The following RAB31 variants were observed in gnomAD, a reference collection of about 807,000 sequenced individuals.
RAB31 encodes ras-related protein Rab-31.
In RAB31, 21 loss-of-function variants were observed where a neutral mutation model predicts 25.6. The observed-to-expected ratio is 0.82, with a 90% CI of 0.58 to 1.18. RAB31 has a LOEUF of 1.18. Among genes scored for constraint, RAB31 ranks in the 50% most tolerant of loss-of-function variants. The pLI, the probability that RAB31 is intolerant of heterozygous loss-of-function variation, is 0.00. For synonymous variants in RAB31, 87 were observed against 84.0 expected (o/e 1.04, Z -0.20); for missense variants, 196 against 250.1 (o/e 0.78, Z 1.46).
chr18:9,809,814 T>C (rs2068561615), intron 3 of RAB31, among the ~76,000 whole-genome samples: 1 of 152,224 alleles, frequency 6.6e-6, no homozygotes, highest in South Asian at 2.1e-4. Context: ...AGAGGTGGAA[T>C]TGTCAAATCA....
At position 9,775,348 on chromosome 18, in the gene RAB31, C is replaced by G. The variant is rs2068366603; in HGVS notation, c.110C>G (p.Pro37Arg). ...GATCACTTTGACCACAACATCAGCC[C>G]TACTATTGGGTAAGTTCCTGTATGT... ...VQDHFDHNISPTIGASFMTKT... is the reference protein window; with the variant it reads ...VQDHFDHNISRTIGASFMTKT... Residue 37 changes from proline (P) to arginine (R), a missense_variant, in exon 2 of 7, where the codon CCT becomes CGT. Pro to Arg is a moderately radical substitution (Grantham distance 103). Coordinates refer to ENST00000578921, the MANE Select transcript of RAB31 (RefSeq NM_006868.4). 6.2e-7 allele frequency: 1 copy of G among 1,613,804 alleles called. No homozygotes were observed. Among genetic ancestry groups the G allele is most frequent in the Non-Finnish European group, 8.5e-7 (1 of 1,179,754 alleles).
At chr18:9,778,332 GAC>G (rs2068384152) in intron 2 of RAB31, among the ~76,000 whole-genome samples, 1 of 152,150 alleles carries the variant, frequency 6.6e-6, no homozygotes, top group African/African-American at 2.4e-5. Context: ...AAACACAGTT[GAC>G]AGTGTTTTGT....
intron 2 of RAB31, among the ~76,000 whole-genome samples, chr18:9,778,757 C>T (rs1194215030): frequency 6.6e-6 from 1 of 152,204 alleles, no homozygotes; most frequent in Non-Finnish European, 1.5e-5. Context: ...AGGCGTGAGC[C>T]ACTGTGCCCA....
chr18:9,782,971 A>T (rs1212715203), intron 2 of RAB31, among the ~76,000 whole-genome samples: 1 of 152,184 alleles, frequency 6.6e-6, no homozygotes, highest in Non-Finnish European at 1.5e-5. Context: ...GCTAGCAAAG[A>T]CTTAAAAACC....
intron 3 of RAB31, among the ~76,000 whole-genome samples, chr18:9,812,435 A>G (rs972292715): frequency 6.6e-6 from 1 of 152,162 alleles, no homozygotes; most frequent in Non-Finnish European, 1.5e-5. Context: ...TATTCAGCAC[A>G]TTCCATGTAG....
chr18:9,838,356 G>A (rs553020254), intron 5 of RAB31, among the ~76,000 whole-genome samples: 1 of 152,140 alleles, frequency 6.6e-6, no homozygotes, highest in Non-Finnish European at 1.5e-5. Flanking sequence ...TAGTCAAGAC[G>A]CCTGAGTGTA....
chr18:9,854,909 A>G (rs759442856), intron 6 of RAB31, among the ~76,000 whole-genome samples: 1 of 152,212 alleles, frequency 6.6e-6, no homozygotes, highest in East Asian at 1.9e-4. Flanking sequence ...CAAGAAATGG[A>G]TGTTACACAG....
chr18:9,751,700 A>C (rs1464185872), intron 1 of RAB31, among the ~76,000 whole-genome samples: 2 of 152,268 alleles, frequency 1.3e-5, no homozygotes, highest in Non-Finnish European at 2.9e-5. Context: ...CTTGTAGCAG[A>C]AACTTGAGCT....
Position 9,733,003 on chromosome 18 carries a change from C to A in RAB31, c.39+24559C>A, listed in dbSNP as rs571188644. ...GCAATGGTGATGAGCTGAGCTTTCA[C>A]CAGGTGGCACCTGGCTCTGGATGCT... On this transcript the variant is annotated intron_variant, in intron 1 of 6. Transcript: ENST00000578921. 4.6e-5 allele frequency among the ~76,000 whole-genome samples: 7 copies of A among 152,312 alleles called. No homozygotes were observed. In the East Asian group the frequency reaches 1.4e-3, roughly 29 times the overall value.
chr18:9,828,181 C>T (rs1190104214), intron 5 of RAB31, among the ~76,000 whole-genome samples: 1 of 152,152 alleles, frequency 6.6e-6, no homozygotes, highest in Non-Finnish European at 1.5e-5. Context: ...TACCCTGCGC[C>T]TGCCCTGGGG....
chr18:9,720,482 T>C (rs1055609542), intron 1 of RAB31, among the ~76,000 whole-genome samples: 3 of 151,704 alleles, frequency 2.0e-5, no homozygotes, highest in African/African-American at 7.3e-5. Context: ...GGAGAGCGTG[T>C]GGTGTCTGCT....
chr18:9,723,084 G>A (rs956394729), intron 1 of RAB31, among the ~76,000 whole-genome samples: 3 of 152,056 alleles, frequency 2.0e-5, no homozygotes, highest in African/African-American at 7.2e-5. Flanking sequence ...GTCTCGTTCT[G>A]CCACCCAGGC....
chr18:9,709,074 A>AAACTTCCCTGCT (rs1344201654), intron 1 of RAB31, among the ~76,000 whole-genome samples: 3 of 152,210 alleles, frequency 2.0e-5, no homozygotes, highest in Non-Finnish European at 4.4e-5. Context: ...CGCGCCCTGC[A>AAACTTCCCTGCT]AACTTCCCTG....
chr18:9,756,902 T>C (rs961249606), intron 1 of RAB31, among the ~76,000 whole-genome samples: 2 of 152,240 alleles, frequency 1.3e-5, no homozygotes, highest in African/African-American at 4.8e-5. Context: ...ACGAAGTAAC[T>C]GATGGTGCCC....
intron 3 of RAB31, among the ~76,000 whole-genome samples, chr18:9,808,224 A>T (rs1442723235): frequency 2.6e-5 from 4 of 152,184 alleles, no homozygotes; most frequent in Non-Finnish European, 5.9e-5. Flanking sequence ...AAATGAAAGA[A>T]AGGGAAAAAA....
chr18:9,724,710 A>T (rs1047253281), intron 1 of RAB31, among the ~76,000 whole-genome samples: 1 of 152,230 alleles, frequency 6.6e-6, no homozygotes, highest in Non-Finnish European at 1.5e-5. Context: ...TTGATTAAGA[A>T]GGATGTCATT....
chr18:9,806,594 A>G (rs2068543064), intron 3 of RAB31, among the ~76,000 whole-genome samples: 1 of 152,204 alleles, frequency 6.6e-6, no homozygotes, highest in Non-Finnish European at 1.5e-5. Flanking sequence ...AGAAGGGACC[A>G]GGTCCCACCC....
At chr18:9,721,371 C>T (rs903982012) in intron 1 of RAB31, among the ~76,000 whole-genome samples, 3 of 151,928 alleles carry the variant, frequency 2.0e-5, no homozygotes, top group African/African-American at 4.8e-5. Flanking sequence ...CCCAGCACTT[C>T]GGGAGGCCAA....
At chr18:9,763,566 A>G (rs971067340) in intron 1 of RAB31, among the ~76,000 whole-genome samples, 12 of 149,028 alleles carry the variant, frequency 8.1e-5, no homozygotes, top group Non-Finnish European at 1.6e-4. Context: ...CCAAATTCAG[A>G]GAAACTCAGA....
Sources: gnomAD v4.1 joint callset for allele counts (sites outside exome capture counted in the v4.1 genomes callset) on GRCh38, gnomAD v4.1.1 for gene constraint, MANE v1.5 for transcripts, NCBI Gene and HGNC (gene_info 2026-07-23, HGNC 2026-07-21) for gene names.